SP100: variants seen among roughly 807,000 people sequenced by gnomAD.
SP100 encodes the protein SP100 nuclear body protein.
Under a neutral mutation model 130.0 loss-of-function variants are expected in SP100, and 84 were observed. That is an observed-to-expected ratio of 0.65 (90% confidence interval 0.54 to 0.77). The LOEUF (loss-of-function observed/expected upper bound fraction) is 0.77. Among genes scored for constraint, SP100 ranks in the 30% least tolerant of loss-of-function variants. SP100 has a pLI of 0.00. For synonymous variants in SP100, 331 were observed against 351.7 expected, an observed-to-expected ratio of 0.94 and a Z score of 0.66; for missense variants, 978 against 1,052.2, an observed-to-expected ratio of 0.93 and a Z score of 0.97.
At chr2:230,541,260 C>G in intron 26 of SP100, 41 bp from the exon 27 acceptor site, 3 of 1,580,124 alleles carry the variant, frequency 1.9e-6, no homozygotes, top group African/African-American at 1.3e-5. Context: ...CTCTTTCTCT[C>G]TAAATTGCAT....
In SP100 at chr2:230,541,383, G is replaced by C; in HGVS notation, c.2403+11G>C. ...TCAGAACCGTATTATGTAAGTAACA[G>C]CCAAACAAAAATGCTTATACTGGCA... On this transcript the variant is annotated intron_variant, in intron 27 of 28. Transcript: ENST00000340126. 1 of 1,609,700 alleles carries C rather than the reference G, an allele frequency of 6.2e-7. No individual in the cohort carries two copies. Among genetic ancestry groups the C allele is most frequent in the Non-Finnish European group, 8.5e-7 (1 of 1,176,336 alleles).
chr2:230,526,273 G>T (rs1261003170), intron 24 of SP100, among the ~76,000 whole-genome samples: 2 of 152,188 alleles, frequency 1.3e-5, no homozygotes, highest in Non-Finnish European at 2.9e-5. Context: ...GGCAAACAGG[G>T]TCTGGAGTGG....
At chr2:230,514,290 A>G (rs937861625) in intron 24 of SP100, among the ~76,000 whole-genome samples, 4 of 152,218 alleles carry the variant, frequency 2.6e-5, no homozygotes, top group African/African-American at 9.6e-5. Flanking sequence ...CACAGCATTA[A>G]TAATTGACTA....
At chr2:230,485,588 A>G (rs1443767681) in intron 17 of SP100, among the ~76,000 whole-genome samples, 2 of 152,168 alleles carry the variant, frequency 1.3e-5, no homozygotes, top group African/African-American at 4.8e-5. Flanking sequence ...TGCATCTCCT[A>G]TAATTTCTAC....
rs762739232 is a variant in SP100 at position 230,473,380 on chromosome 2, A to T, written c.1486A>T (p.Lys496Ter). 2.5e-6 allele frequency: 4 copies of T among 1,614,066 alleles called. No individual in the cohort carries two copies. The East Asian group carries it at 8.9e-5, about 36-fold the overall frequency. ...KKCSCVMCFP[K>*]GVPRSQEART... is the part of the protein sequence containing the mutation. ...GTGCTCCTGTGTCATGTGTTTTCCA[A>T]AAGGTGTGCCAAGAAGCCAAGAAGC... is the stretch of plus-strand genomic sequence containing the variant. The change falls in exon 16 of 29, where the codon AAA becomes TAA. Residue 496 changes from lysine (K) to a stop codon, truncating the protein, a stop_gained. Coordinates refer to ENST00000340126, the MANE Select transcript of SP100 (RefSeq NM_001080391.2). LOFTEE classifies it high-confidence loss of function.
intron 4 of SP100, 61 bp downstream of exon 4, chr2:230,444,407 A>G: frequency 7.5e-7 from 1 of 1,325,786 alleles, no homozygotes; most frequent in Non-Finnish European, 1.1e-6. Flanking sequence ...ATAAGTATAT[A>G]CTGATCTCCT....
chr2:230,451,753 TA>T (rs2063997411), intron 8 of SP100, among the ~76,000 whole-genome samples: 1 of 152,234 alleles, frequency 6.6e-6, no homozygotes, highest in Admixed American at 6.5e-5. Flanking sequence ...TATTTTCTTC[TA>T]GTAGTTTTAC....
intron 24 of SP100, among the ~76,000 whole-genome samples, chr2:230,533,312 C>T (rs991084905): frequency 8.5e-5 from 13 of 152,266 alleles, no homozygotes; most frequent in African/African-American, 2.9e-4. Context: ...CTTTTAGTCA[C>T]AGTTCTGTCA....
intron 24 of SP100, chr2:230,515,288 T>C (rs1397393967): frequency 6.2e-7 from 1 of 1,611,446 alleles, no homozygotes; most frequent in Non-Finnish European, 8.5e-7. Flanking sequence ...AAAAAGAAGT[T>C]CAAGGATCCC....
chr2:230,541,846 C>T (rs368586054), intron 27 of SP100, 46 bp from the exon 28 acceptor site: 85 of 1,592,900 alleles, frequency 5.3e-5, no homozygotes, highest in Non-Finnish European at 6.7e-5. Context: ...TAGTGGGAGT[C>T]TATGGCACTG....
intron 10 of SP100, 92 bp from the exon 11 acceptor site, chr2:230,463,975 G>C (rs2064800985): frequency 1.1e-5 from 9 of 846,894 alleles, no homozygotes; most frequent in Admixed American, 1.0e-4. Flanking sequence ...GATTTTCAAG[G>C]TTTTCCAGGT....
At chr2:230,441,677 G>C (rs2063473841) in intron 2 of SP100, among the ~76,000 whole-genome samples, 1 of 152,164 alleles carries the variant, frequency 6.6e-6, no homozygotes, top group African/African-American at 2.4e-5. Context: ...GCAGTATTAA[G>C]ATACGATGGA....
At chr2:230,542,301 G>A (rs1207175824) in intron 28 of SP100, among the ~76,000 whole-genome samples, 2 of 152,126 alleles carry the variant, frequency 1.3e-5, no homozygotes, top group Non-Finnish European at 2.9e-5. Context: ...CACCCATAGA[G>A]AACAGTAGGC....
At chr2:230,527,845 T>C (rs970605232) in intron 24 of SP100, among the ~76,000 whole-genome samples, 2 of 152,144 alleles carry the variant, frequency 1.3e-5, no homozygotes, top group African/African-American at 4.8e-5. Flanking sequence ...GGCCATTATA[T>C]AATGGTAAAG....
intron 24 of SP100, among the ~76,000 whole-genome samples, chr2:230,524,233 G>A (rs1334576962): frequency 3.4e-5 from 5 of 147,004 alleles, no homozygotes; most frequent in Non-Finnish European, 6.0e-5. Flanking sequence ...GCAGTTGCCT[G>A]TAATCCCAGC....
intron 2 of SP100, among the ~76,000 whole-genome samples, chr2:230,421,326 C>G (rs1396441821): frequency 1.3e-5 from 2 of 152,098 alleles, no homozygotes; most frequent in Admixed American, 1.3e-4. Context: ...ATCCATTCCC[C>G]TGATTCCATC....
rs1692241046 is a variant in SP100, at chr2:230,543,264, T to A, written c.*318T>A. On this transcript the variant is annotated 3_prime_UTR_variant, in exon 29 of 29. Transcript: ENST00000340126. ...ACAAGCACAAGACAAGGATTCCCTC[T>A]CTCACCACTCCTATTCAACAAAGTA... 1 of 188,048 alleles carries A rather than the reference T, an allele frequency of 5.3e-6. No individual in the cohort carries two copies. 11.6% of individuals were successfully genotyped at this position (188,048 alleles called of 1,614,324 possible). A position where few individuals can be genotyped will look rare whatever the true frequency, so the allele number is the denominator to read the frequency against.
intron 2 of SP100, among the ~76,000 whole-genome samples, chr2:230,435,494 G>GT (rs2063234005): frequency 6.6e-6 from 1 of 152,004 alleles, no homozygotes; most frequent in African/African-American, 2.4e-5. Context: ...CTTCTCAAAT[G>GT]TTTTTTGTCT....
intron 25 of SP100, among the ~76,000 whole-genome samples, chr2:230,539,967 C>T (rs983661682): frequency 2.0e-5 from 3 of 152,110 alleles, no homozygotes; most frequent in African/African-American, 4.8e-5. Flanking sequence ...TGATCTCTAC[C>T]GGGAATGTGT....
Sources: allele counts gnomAD v4.1 joint callset (sites outside exome capture counted in the v4.1 genomes callset), GRCh38; gene constraint gnomAD v4.1.1; transcripts MANE v1.5; gene names NCBI Gene and HGNC (gene_info 2026-07-23, HGNC 2026-07-21).